The following DGKG variants were observed in gnomAD, a reference collection of about 807,000 sequenced individuals.
DGKG encodes diacylglycerol kinase gamma, also known as DAG kinase gamma.
Under a neutral mutation model 105.3 loss-of-function variants are expected in DGKG, and 78 were observed. That is an observed-to-expected ratio of 0.74 (90% confidence interval 0.62 to 0.89). DGKG has a LOEUF of 0.89. DGKG is among the 40% of genes least tolerant of loss of function. The pLI is 0.00. For missense variants in DGKG, 958 were observed against 1,020.1 expected, an observed-to-expected ratio of 0.94 and a Z score of 0.83; for synonymous variants, 346 against 367.1, an observed-to-expected ratio of 0.94 and a Z score of 0.66.
intron 5 of DGKG, among the ~76,000 whole-genome samples, chr3:186,293,480 G>A (rs935180620): frequency 8.5e-5 from 13 of 152,194 alleles, no homozygotes; most frequent in African/African-American, 3.1e-4. Context: ...GAAACACCAG[G>A]ACACTGAAGT....
intron 15 of DGKG, 73 bp downstream of exon 15, chr3:186,261,626 T>C: frequency 1.8e-6 from 2 of 1,083,256 alleles, no homozygotes; most frequent in Non-Finnish European, 1.4e-6. Context: ...GCCTGCTGTG[T>C]TCCTGCCAAG....
chr3:186,160,263 A>G, intron 24 of DGKG: 1 of 985,396 alleles, frequency 1.0e-6, no homozygotes, highest in Non-Finnish European at 1.2e-6. Context: ...CAGTGCTTGA[A>G]TTTATAGGAA....
chr3:186,329,340 A>G (rs1385292039), intron 1 of DGKG, among the ~76,000 whole-genome samples: 1 of 152,138 alleles, frequency 6.6e-6, no homozygotes, highest in African/African-American at 2.4e-5. Flanking sequence ...TATATACTGG[A>G]TCAAATTCTA....
At position 186,260,527 on chromosome 3, in the gene DGKG, AAG is replaced by A; in HGVS notation, c.1350-16_1350-15del. ...TTCCGAAGAATTCTATGGAAAAAAA[AAG>A]AAAAGGAGGGAGAGAGAGAGACAGA... is the stretch of plus-strand genomic sequence containing the variant. On this transcript the variant is annotated splice_polypyrimidine_tract_variant and intron_variant, in intron 15 of 24. Transcript: ENST00000265022. 6.3e-7 allele frequency: 1 copy of A among 1,595,038 alleles called. No homozygotes were observed. Among genetic ancestry groups the A allele is most frequent in the South Asian group, 1.1e-5 (1 of 90,236 alleles).
In DGKG at chr3:186,196,127, CTTTTTCTTTCT is replaced by C. The variant is rs1275474144; in HGVS notation, c.1918-7759_1918-7749del. 2.2e-5 allele frequency among the ~76,000 whole-genome samples: 3 copies of C among 133,730 alleles called. No individual in the cohort carries two copies. In the East Asian group the frequency reaches 7.6e-4, roughly 34 times the overall value. 87.7% of individuals were successfully genotyped at this position (133,730 alleles called of 152,430 possible). ...TAGTCTCTTAAAAGGATCTCTCTCT[CTTTTTCTTTCT>C]TTTTTTTTTTTTTTTTTAAGACTGA... is the stretch of plus-strand genomic sequence containing the variant. On this transcript the variant is annotated intron_variant, in intron 21 of 24. Transcript: ENST00000265022.
At chr3:186,331,590 T>C (rs756699314) in intron 1 of DGKG, among the ~76,000 whole-genome samples, 1 of 152,086 alleles carries the variant, frequency 6.6e-6, no homozygotes, top group Non-Finnish European at 1.5e-5. Flanking sequence ...GTCATGAAAA[T>C]GTCAGGCTGA....
At chr3:186,221,831 C>T (rs1191123337) in intron 20 of DGKG, among the ~76,000 whole-genome samples, 1 of 152,182 alleles carries the variant, frequency 6.6e-6, no homozygotes, top group Admixed American at 6.5e-5. Context: ...CAGAGGCAAA[C>T]CCTGGAAGCA....
At position 186,280,699 on chromosome 3, in the gene DGKG, G is replaced by T. The variant is rs772340437; in HGVS notation, c.640C>A (p.Leu214Met). ...VNQMLHIAQY[L>M]EWDPTELRPI... is the part of the protein sequence containing the mutation. ...CTCAGCTCTGTGGGATCCCACTCCA[G>T]GTACTGGGCAATATGCAGCATTTGG... The change falls in exon 8 of 25, where the codon CTG becomes ATG. Residue 214 changes from leucine to methionine, a missense_variant. Leu to Met is a conservative substitution (Grantham distance 15, BLOSUM62 2). Around this residue, in one of 2 missense-constraint regions of DGKG, gnomAD observed 643 missense variants for 619.5 expected, o/e 1.04. Coordinates refer to ENST00000265022, the MANE Select transcript of DGKG (RefSeq NM_001346.3). 1 of 1,614,078 alleles carries T rather than the reference G, an allele frequency of 6.2e-7. No individual in the cohort carries two copies. Among genetic ancestry groups the T allele is most frequent in the South Asian group, 1.1e-5 (1 of 91,076 alleles).
rs541855214 is a variant in DGKG, at chr3:186,235,881, A to G, written c.1826+6623T>C. Among the ~76,000 whole-genome samples the G allele has an allele frequency of 1.7e-4, 26 of 152,272 alleles. 1 individual carries two copies. Among genetic ancestry groups the G allele is most frequent in the African/African-American group, 6.0e-4 (25 of 41,552 alleles). On this transcript the variant is annotated intron_variant, in intron 20 of 24. Transcript: ENST00000265022. ...CACTTGCCTACCTGCCATGCAGTCC[A>G]TGACCCCTGCTAGTAAGCCAGAAGC... is the stretch of plus-strand genomic sequence containing the variant.
intron 7 of DGKG, 92 bp from the exon 8 acceptor site, chr3:186,280,836 G>C (rs1722799222): frequency 8.5e-6 from 9 of 1,055,862 alleles, no homozygotes; most frequent in Admixed American, 1.9e-5. Context: ...AGTGGGAAGA[G>C]GGACAGGGCA....
At chr3:186,326,669 C>G (rs1725360916) in intron 1 of DGKG, among the ~76,000 whole-genome samples, 1 of 152,144 alleles carries the variant, frequency 6.6e-6, no homozygotes, top group South Asian at 2.1e-4. Context: ...CTGTGAAAAA[C>G]AAAATAGACT....
intron 6 of DGKG, among the ~76,000 whole-genome samples, chr3:186,285,782 C>A (rs933083329): frequency 6.6e-6 from 1 of 151,200 alleles, no homozygotes; most frequent in Non-Finnish European, 1.5e-5. Flanking sequence ...CGGGTTCAAG[C>A]GATTCTTCTG....
At chr3:186,242,590 C>A (rs1343315985) in intron 19 of DGKG, 22 bp from the exon 20 acceptor site, 1 of 1,610,342 alleles carries the variant, frequency 6.2e-7, no homozygotes, top group Non-Finnish European at 8.5e-7. Context: ...AGAGACAAAG[C>A]AGATCCTTGG....
At chr3:186,218,918 C>T (rs1258403505) in intron 20 of DGKG, among the ~76,000 whole-genome samples, 2 of 152,058 alleles carry the variant, frequency 1.3e-5, no homozygotes, top group Non-Finnish European at 2.9e-5. Context: ...GGTGTTATTG[C>T]TACCACTACT....
In DGKG at chr3:186,149,031, C is replaced by T; in HGVS notation, c.*1059G>A. The T allele has an allele frequency of 1.0e-6, 1 of 982,728 alleles. No individual in the cohort carries two copies. The highest frequency in any genetic ancestry group is 1.2e-6 in the Non-Finnish European group (1 of 829,004). 60.9% of individuals were successfully genotyped at this position (982,728 alleles called of 1,614,324 possible). ...ACGCACACACACACACACACGCGCG[C>T]ACACACGTTAAGACCATCAGAAGGT... On this transcript the variant is annotated 3_prime_UTR_variant, in exon 25 of 25. Transcript: ENST00000265022.
intron 24 of DGKG, 61 bp from the exon 25 acceptor site, chr3:186,150,249 G>A: frequency 6.5e-7 from 1 of 1,548,528 alleles, no homozygotes; most frequent in Admixed American, 1.9e-5. Context: ...CTAAGGGAGA[G>A]TGAGTCGCAG....
In DGKG at chr3:186,268,791, G is replaced by A. The variant is rs757822171; in HGVS notation, c.1116+10C>T. On this transcript the variant is annotated intron_variant, in intron 12 of 24. Transcript: ENST00000265022. ...GAAAAGAAGCAGGGCCGCCCTGGGC[G>A]CCAACCCACCGTCATCCGGCACCAC... is the stretch of plus-strand genomic sequence containing the variant. 1.8e-5 allele frequency: 28 copies of A among 1,598,230 alleles called. No homozygotes were observed. Among genetic ancestry groups the A allele is most frequent in the Middle Eastern group, 1.7e-4 (1 of 6,022 alleles).
intron 3 of DGKG, among the ~76,000 whole-genome samples, chr3:186,305,060 G>A (rs1344366061): frequency 1.3e-5 from 2 of 152,240 alleles, no homozygotes; most frequent in Non-Finnish European, 2.9e-5. Flanking sequence ...TTTATTGAAT[G>A]CCTGCTATAA....
chr3:186,358,273 G>T (rs1000851442), intron 1 of DGKG, among the ~76,000 whole-genome samples: 1 of 152,266 alleles, frequency 6.6e-6, no homozygotes, highest in African/African-American at 2.4e-5. Flanking sequence ...TCGCCATAGC[G>T]AGGTAAGCTT....
Sources: allele counts gnomAD v4.1 joint callset (sites outside exome capture counted in the v4.1 genomes callset), GRCh38; gene constraint gnomAD v4.1.1; regional missense constraint gnomAD v4.1.1; transcripts MANE v1.5; gene names NCBI Gene and HGNC (gene_info 2026-07-23, HGNC 2026-07-21).